Variants in ARL6IP6 observed in about 807,000 individuals in gnomAD.
ARL6IP6 encodes ARF like GTPase 6 interacting protein 6.
In ARL6IP6, 22 loss-of-function variants were observed where a neutral mutation model predicts 21.5. That is an observed-to-expected ratio of 1.02 (90% confidence interval 0.73 to 1.46). ARL6IP6 has a LOEUF of 1.46. Among genes scored for constraint, ARL6IP6 ranks in the 40% most tolerant of loss-of-function variants. ARL6IP6 has a pLI of 0.00. For missense variants in ARL6IP6, 388 were observed against 299.8 expected, an observed-to-expected ratio of 1.29 and a Z score of -2.17; for synonymous variants, 164 against 125.3, an observed-to-expected ratio of 1.31 and a Z score of -2.06.
At chr2:152,718,194 G>C, upstream of ARL6IP6, 5 of 550,580 alleles carry the variant, frequency 9.1e-6, no homozygotes, top group Non-Finnish European at 1.2e-5. Context: ...AAGACAAATA[G>C]GTTCGGGAAT....
At chr2:152,718,265 C>T, upstream of ARL6IP6, 1 of 276,168 alleles carries the variant, frequency 3.6e-6, no homozygotes, top group Non-Finnish European at 6.0e-6. Context: ...GGCTTTGGGG[C>T]TGTCGGGGCG....
rs528146885 is a variant in ARL6IP6, at chr2:152,718,649, C to T, written c.25C>T (p.Arg9Trp). 2 of 1,546,420 alleles carry T rather than the reference C, an allele frequency of 1.3e-6. No homozygotes were observed. Among genetic ancestry groups the T allele is most frequent in the East Asian group, 2.3e-5 (1 of 43,552 alleles). MSFAESGW[R>W]SALRRRGPGT... The stretch of plus-strand genomic sequence containing the variant: ...CATGTCGTTTGCTGAGAGCGGGTGG[C>T]GGTCGGCTCTGCGGCGCCGCGGTCC... Residue 9 changes from arginine to tryptophan, a missense_variant, in exon 1 of 4, where the codon CGG becomes TGG. Physicochemically the swap from Arg to Trp is moderately radical, Grantham distance 101. Coordinates refer to ENST00000326446, the MANE Select transcript of ARL6IP6 (RefSeq NM_152522.7).
At chr2:152,718,526 C>T (rs1276305242), upstream of ARL6IP6, 4 of 1,473,020 alleles carry the variant, frequency 2.7e-6, no homozygotes, top group African/African-American at 2.8e-5. Flanking sequence ...GCTCTGAGGC[C>T]TGGTGGTAGC....
upstream of ARL6IP6, chr2:152,718,573 CG>C: frequency 6.7e-7 from 1 of 1,487,058 alleles, no homozygotes. Flanking sequence ...GGACCCGGGG[CG>C]GGGCAGGTGG....
chr2:152,723,139 ATCAAGAAAAATTGCC>A (rs978895919), intron 2 of ARL6IP6, among the ~76,000 whole-genome samples: 2 of 152,218 alleles, frequency 1.3e-5, no homozygotes, highest in African/African-American at 4.8e-5. Context: ...TAACTTAGAT[ATCAAGAAAAATTGCC>A]TCATTAGTTT....
chr2:152,755,292 C>T (rs563702534), intron 3 of ARL6IP6, among the ~76,000 whole-genome samples: 36 of 152,240 alleles, frequency 2.4e-4, no homozygotes, highest in Admixed American at 1.3e-3. Flanking sequence ...CTTAGCAGAC[C>T]GGGAAGGGGA....
intron 3 of ARL6IP6, among the ~76,000 whole-genome samples, chr2:152,753,388 T>C (rs1277014577): frequency 4.6e-5 from 7 of 152,196 alleles, no homozygotes; most frequent in Admixed American, 4.6e-4. Flanking sequence ...CTCAGAAACA[T>C]AGATCTGTTT....
chr2:152,740,003 G>A (rs1211726945), intron 3 of ARL6IP6, among the ~76,000 whole-genome samples: 2 of 152,162 alleles, frequency 1.3e-5, no homozygotes, highest in African/African-American at 4.8e-5. Context: ...CTCCCACCAG[G>A]TCCCTCCCAT....
chr2:152,718,355 C>T (rs1699331917), upstream of ARL6IP6: 1 of 384,880 alleles, frequency 2.6e-6, no homozygotes, highest in African/African-American at 2.1e-5. Flanking sequence ...ACTCGACAGC[C>T]TTCGGCCTCC....
At chr2:152,730,191 A>G (rs1346959756) in intron 2 of ARL6IP6, among the ~76,000 whole-genome samples, 33 of 152,326 alleles carry the variant, frequency 2.2e-4, no homozygotes, top group Admixed American at 1.4e-3. Context: ...GTGGAATAGT[A>G]ATTTTGGAAA....
intron 2 of ARL6IP6, 62 bp downstream of exon 2, chr2:152,720,648 T>C: frequency 7.1e-7 from 1 of 1,405,338 alleles, no homozygotes; most frequent in Non-Finnish European, 1.0e-6. Context: ...TAGATCATGT[T>C]TGAACTAACT....
intron 2 of ARL6IP6, 113 bp downstream of exon 2, chr2:152,720,699 C>G: frequency 1.0e-6 from 1 of 967,818 alleles, no homozygotes; most frequent in South Asian, 1.6e-5. Context: ...TGCAGTCATT[C>G]AGTCTTGTTT....
chr2:152,749,931 A>T (rs1015400206), intron 3 of ARL6IP6, among the ~76,000 whole-genome samples: 1 of 152,186 alleles, frequency 6.6e-6, no homozygotes, highest in Non-Finnish European at 1.5e-5. Context: ...TTATTCTTTC[A>T]TATGGTCAAA....
At chr2:152,733,296 C>T (rs1700410826) in intron 2 of ARL6IP6, among the ~76,000 whole-genome samples, 1 of 152,090 alleles carries the variant, frequency 6.6e-6, no homozygotes, top group South Asian at 2.1e-4. Context: ...GAAAGAGTCT[C>T]ACTCTGTCAC....
At chr2:152,723,280 G>A (rs928071471) in intron 2 of ARL6IP6, among the ~76,000 whole-genome samples, 2 of 152,122 alleles carry the variant, frequency 1.3e-5, no homozygotes, top group Admixed American at 6.5e-5. Context: ...CATCCATTAC[G>A]TTTGGGAAAA....
intron 2 of ARL6IP6, among the ~76,000 whole-genome samples, chr2:152,725,476 GA>G (rs759572611): frequency 3.2e-4 from 48 of 149,432 alleles, no homozygotes; most frequent in African/African-American, 1.0e-3. Context: ...AGGTGATTTG[GA>G]AAAAAAAATG....
intron 2 of ARL6IP6, among the ~76,000 whole-genome samples, chr2:152,731,559 C>G (rs894551467): frequency 7.9e-5 from 12 of 152,156 alleles, no homozygotes; most frequent in African/African-American, 2.7e-4. Context: ...CACAAAGATT[C>G]TGATACGACC....
chr2:152,719,428 C>T (rs1308343442), intron 1 of ARL6IP6, among the ~76,000 whole-genome samples: 1 of 152,044 alleles, frequency 6.6e-6, no homozygotes, highest in East Asian at 1.9e-4. Flanking sequence ...TGCTGTCCAC[C>T]AATTCCTCTA....
At chr2:152,755,201 C>T (rs913368664) in intron 3 of ARL6IP6, among the ~76,000 whole-genome samples, 6 of 152,210 alleles carry the variant, frequency 3.9e-5, no homozygotes, top group Admixed American at 6.5e-5. Flanking sequence ...CTAGCGGTAA[C>T]GCCAGCATCT....
Sources: allele counts gnomAD v4.1 joint callset (sites outside exome capture counted in the v4.1 genomes callset), GRCh38; gene constraint gnomAD v4.1.1; transcripts MANE v1.5; gene names NCBI Gene and HGNC (gene_info 2026-07-23, HGNC 2026-07-21).